The following NAALADL2 variants were observed in gnomAD, a reference collection of about 807,000 sequenced individuals.
The protein encoded by NAALADL2 is inactive N-acetylated-alpha-linked acidic dipeptidase-like protein 2.
NAALADL2 carries 76 observed loss-of-function variants against 87.2 expected under a neutral mutation model. That is an observed-to-expected ratio of 0.87 (90% CI 0.72 to 1.05). NAALADL2 has a LOEUF of 1.05. Among genes scored for constraint, NAALADL2 ranks in the 50% least tolerant of loss-of-function variants. NAALADL2 has a pLI of 0.00. For synonymous variants in NAALADL2, 354 were observed against 331.0 expected (o/e 1.07, Z -0.75); for missense variants, 1,089 against 945.8 (o/e 1.15, Z -1.99).
In NAALADL2 at chr3:174,705,782, CA is replaced by C. The variant is rs368457644; in HGVS notation, c.-114-31840del. On this transcript the variant is annotated intron_variant, in intron 2 of 3. Transcript: ENST00000434257. ...TGGGCGACAGAGCGAGACTCCGTCT[CA>C]AAAAAAAAAAAAAAAAAATGTCAGT... 3.9e-3 allele frequency among the ~76,000 whole-genome samples: 443 copies of C among 114,490 alleles called. 2 individuals are homozygous for C. The highest frequency in any genetic ancestry group is 0.013 in the African/African-American group (370 of 28,420). 75.1% of individuals were successfully genotyped at this position (114,490 alleles called of 152,430 possible).
chr3:175,546,724 T>G (rs7610606), intron 9 of NAALADL2, among the ~76,000 whole-genome samples: 10,150 of 152,156 alleles, frequency 0.067, 800 homozygotes, highest in African/African-American at 0.2. Context: ...TTCTGGCTTA[T>G]AGGGTTTCAG....
intron 2 of NAALADL2, among the ~76,000 whole-genome samples, chr3:175,233,081 A>G (rs914518956): frequency 6.6e-6 from 1 of 152,198 alleles, no homozygotes. Flanking sequence ...AAAGTACAAC[A>G]CAACATTAAT....
At chr3:175,491,276 ATAT>A (rs1394097310) in intron 9 of NAALADL2, among the ~76,000 whole-genome samples, 41 of 151,208 alleles carry the variant, frequency 2.7e-4, no homozygotes, top group East Asian at 3.9e-4. Context: ...GTTCTATAAA[ATAT>A]TATTGTCCAA....
chr3:175,014,684 G>A (rs1257080038), intron 1 of NAALADL2, among the ~76,000 whole-genome samples: 2 of 152,010 alleles, frequency 1.3e-5, no homozygotes, highest in Non-Finnish European at 2.9e-5. Context: ...TCCATTTATT[G>A]CAAATGTTTC....
intron 1 of NAALADL2, among the ~76,000 whole-genome samples, chr3:175,056,967 T>C (rs949508022): frequency 6.6e-6 from 1 of 152,234 alleles, no homozygotes; most frequent in African/African-American, 2.4e-5. Context: ...ATTTTGTTTA[T>C]GGCCAGTTTT....
intron 1 of NAALADL2, among the ~76,000 whole-genome samples, chr3:175,058,787 G>A (rs1350847335): frequency 2.6e-5 from 4 of 152,170 alleles, no homozygotes; most frequent in African/African-American, 9.7e-5. Context: ...TTTCTCTACG[G>A]CAGCTAGAGT....
intron 2 of NAALADL2, among the ~76,000 whole-genome samples, chr3:174,633,824 G>A (rs1722379683): frequency 1.3e-5 from 2 of 152,168 alleles, no homozygotes; most frequent in African/African-American, 4.8e-5. Context: ...TAAATGAAGA[G>A]TCTTGCCAAG....
intron 11 of NAALADL2, among the ~76,000 whole-genome samples, chr3:175,684,165 A>G (rs1735968196): frequency 6.6e-6 from 1 of 152,028 alleles, no homozygotes; most frequent in Non-Finnish European, 1.5e-5. Flanking sequence ...AAAAAAAAAA[A>G]AGAATTTACA....
chr3:175,533,671 A>G (rs557105152), intron 9 of NAALADL2, among the ~76,000 whole-genome samples: 1 of 152,250 alleles, frequency 6.6e-6, no homozygotes, highest in East Asian at 1.9e-4. Flanking sequence ...CAATGCCCTC[A>G]CTTTAACAGT....
intron 13 of NAALADL2, among the ~76,000 whole-genome samples, chr3:175,798,053 ATTTAT>A (rs1355240575): frequency 1.3e-5 from 2 of 152,176 alleles, no homozygotes; most frequent in East Asian, 3.9e-4. Flanking sequence ...AAATGCAGAA[ATTTAT>A]TTTATGTAAG....
At chr3:175,209,729 T>G (rs79631306) in intron 2 of NAALADL2, among the ~76,000 whole-genome samples, 14,117 of 151,682 alleles carry the variant, frequency 0.093, 815 homozygotes, top group East Asian at 0.2. Flanking sequence ...ATACTTGGTG[T>G]ATATTTATGA....
At chr3:174,578,864 G>T (rs927314695) in intron 2 of NAALADL2, among the ~76,000 whole-genome samples, 1 of 151,858 alleles carries the variant, frequency 6.6e-6, no homozygotes, top group African/African-American at 2.4e-5. Flanking sequence ...TTTAGAATGT[G>T]ATAAGCCACA....
At chr3:175,449,945 T>C (rs771519368) in intron 6 of NAALADL2, among the ~76,000 whole-genome samples, 7 of 152,226 alleles carry the variant, frequency 4.6e-5, no homozygotes, top group Non-Finnish European at 7.3e-5. Context: ...ATTTAAATCA[T>C]TGAGAAGACC....
intron 5 of NAALADL2, among the ~76,000 whole-genome samples, chr3:175,436,013 A>C (rs1379649304): frequency 3.5e-5 from 3 of 86,086 alleles, no homozygotes; most frequent in Non-Finnish European, 6.5e-5. Context: ...CCCCCACCCC[A>C]CCACAGTCCC....
intron 1 of NAALADL2, among the ~76,000 whole-genome samples, chr3:174,903,911 T>G (rs1405646262): frequency 6.6e-6 from 1 of 151,792 alleles, no homozygotes; most frequent in Non-Finnish European, 1.5e-5. Flanking sequence ...CTAAAATCCT[T>G]TCTGGCTCTG....
chr3:175,164,359 C>T (rs1214419744), intron 2 of NAALADL2, among the ~76,000 whole-genome samples: 3 of 151,780 alleles, frequency 2.0e-5, no homozygotes, highest in Admixed American at 2.0e-4. Context: ...TGAGCATCTT[C>T]TTATCACATA....
At chr3:175,060,660 A>C (rs1414757319) in intron 1 of NAALADL2, among the ~76,000 whole-genome samples, 1 of 152,224 alleles carries the variant, frequency 6.6e-6, no homozygotes, top group Non-Finnish European at 1.5e-5. Flanking sequence ...TAGCCGTACT[A>C]TATTAGCTAT....
chr3:175,276,814 T>C (rs947247628), intron 4 of NAALADL2, among the ~76,000 whole-genome samples: 2 of 152,170 alleles, frequency 1.3e-5, no homozygotes, highest in Non-Finnish European at 2.9e-5. Context: ...TCTTTCATTT[T>C]TCAATCTTAA....
intron 1 of NAALADL2, among the ~76,000 whole-genome samples, chr3:174,879,008 G>A (rs1728862861): frequency 6.6e-6 from 1 of 151,906 alleles, no homozygotes; most frequent in South Asian, 2.1e-4. Flanking sequence ...ACGTTATTTT[G>A]TGTAGCCCTA....
Sources: gnomAD v4.1 joint callset for allele counts (sites outside exome capture counted in the v4.1 genomes callset) on GRCh38, gnomAD v4.1.1 for gene constraint, MANE v1.5 for transcripts, NCBI Gene and HGNC (gene_info 2026-07-23, HGNC 2026-07-21) for gene names.